HELQ: variants seen among roughly 807,000 people sequenced by gnomAD.
HELQ encodes the protein helicase POLQ-like.
HELQ carries 77 observed loss-of-function variants against 111.6 expected under a neutral mutation model. The observed-to-expected ratio is 0.69, with a 90% CI of 0.57 to 0.83. The LOEUF is 0.83. HELQ is among the 40% of genes least tolerant of loss of function. HELQ has a pLI of 0.00. For missense variants in HELQ, 1,200 were observed against 1,288.5 expected (o/e 0.93, Z 1.05); for synonymous variants, 438 against 454.7 (o/e 0.96, Z 0.47).
chr4:83,439,776 A>C, intron 8 of HELQ, 87 bp downstream of exon 8: 1 of 875,602 alleles, frequency 1.1e-6, no homozygotes, highest in Admixed American at 2.6e-5. Context: ...TTTGCAAGGC[A>C]TAATTAGTGT....
chr4:83,416,288 C>G (rs1739355425), intron 17 of HELQ, among the ~76,000 whole-genome samples: 1 of 150,878 alleles, frequency 6.6e-6, no homozygotes. Context: ...ATCTGTCATC[C>G]TAGCTCAGTG....
intron 17 of HELQ, among the ~76,000 whole-genome samples, chr4:83,412,597 G>A (rs547895719): frequency 6.6e-6 from 1 of 152,314 alleles, no homozygotes; most frequent in East Asian, 1.9e-4. Flanking sequence ...AAGCCAAGAT[G>A]GAAGGATTGC....
rs190110256 is a variant in HELQ, at chr4:83,452,067, T to G, written c.1012+1164A>C. Among the ~76,000 whole-genome samples, 207 of 152,276 alleles carry G rather than the reference T, an allele frequency of 1.4e-3. 1 individual carries two copies. Among genetic ancestry groups the G allele is most frequent in the East Asian group, 3.1e-3 (16 of 5,184 alleles). On this transcript the variant is annotated intron_variant, in intron 2 of 17. Transcript: ENST00000295488. ...CCTTCTTGGTCTAAAATGACACATA[T>G]CTGAAATATATGCAAGGACCCTGGA...
At chr4:83,414,849 T>A (rs1352661807) in intron 17 of HELQ, among the ~76,000 whole-genome samples, 1 of 152,144 alleles carries the variant, frequency 6.6e-6, no homozygotes, top group African/African-American at 2.4e-5. Context: ...TGAACCTTTT[T>A]TTTTTAGGTG....
chr4:83,442,063 C>A (rs1164504454), intron 6 of HELQ, among the ~76,000 whole-genome samples: 1 of 152,020 alleles, frequency 6.6e-6, no homozygotes, highest in African/African-American at 2.4e-5. Context: ...CCGTGTCCAG[C>A]CAAAACTTTC....
intron 9 of HELQ, among the ~76,000 whole-genome samples, chr4:83,433,008 C>T (rs1000205211): frequency 4.0e-5 from 6 of 151,802 alleles, no homozygotes; most frequent in Admixed American, 1.3e-4. Context: ...TGCAGTAAAT[C>T]GTGATTACAT....
chr4:83,418,431 G>T (rs1739478272), intron 15 of HELQ, among the ~76,000 whole-genome samples: 2 of 152,030 alleles, frequency 1.3e-5, no homozygotes, highest in Admixed American at 6.6e-5. Flanking sequence ...ATTGAAAATT[G>T]AAAAATAAGT....
chr4:83,450,742 G>A (rs1721318568), intron 2 of HELQ, among the ~76,000 whole-genome samples: 1 of 151,754 alleles, frequency 6.6e-6, no homozygotes, highest in African/African-American at 2.4e-5. Flanking sequence ...GAGACAGCAG[G>A]ACTGCTTAAG....
chr4:83,450,240 A>T (rs895139873), intron 2 of HELQ, among the ~76,000 whole-genome samples: 9 of 146,838 alleles, frequency 6.1e-5, no homozygotes, highest in African/African-American at 2.2e-4. Context: ...AAAAAAAAAA[A>T]AAAAAAAAAA....
At chr4:83,450,916 C>T (rs1048065827) in intron 2 of HELQ, among the ~76,000 whole-genome samples, 2 of 152,082 alleles carry the variant, frequency 1.3e-5, no homozygotes, top group African/African-American at 4.8e-5. Context: ...TAGTGAGCCA[C>T]GATCACAGAT....
At position 83,443,598 on chromosome 4, in the gene HELQ, A is replaced by G. The variant is rs7665103; in HGVS notation, c.1482T>C (p.Ile494=). The change falls in exon 6 of 18, where the codon ATT becomes ATC. Residue 494 remains isoleucine (I), a synonymous_variant. Coordinates refer to ENST00000295488, the MANE Select transcript of HELQ (RefSeq NM_133636.5). ...ILYTSKTTQI[I]GMSATLNNVE... Reference sequence around the variant, plus strand: ...CATTGTTTAATGTTGCACTCATACCAATAATTTGAGTCGTTTCTAAAACAC... The same window carrying G: ...CATTGTTTAATGTTGCACTCATACCGATAATTTGAGTCGTTTCTAAAACAC... 0.42 allele frequency: 636,132 copies of G among 1,524,536 alleles called. 137,415 individuals are homozygous for G. Among genetic ancestry groups the G allele is most frequent in the East Asian group, 0.64 (28,319 of 44,106 alleles). 94.4% of individuals were successfully genotyped at this position (1,524,536 alleles called of 1,614,324 possible).
At position 83,427,472 on chromosome 4, in the gene HELQ, T is replaced by C. The variant is rs551693802; in HGVS notation, c.2676+91A>G. ...GAGTTTGAGACCAGCCTGGGCAACA[T>C]GGCAAAGCCTCATCTCTAAAAAACA... On this transcript the variant is annotated intron_variant, in intron 13 of 17. Transcript: ENST00000295488. 9 of 1,091,860 alleles carry C rather than the reference T, an allele frequency of 8.2e-6. No individual in the cohort carries two copies. The Admixed American group carries it at 2.0e-4, about 24-fold the overall frequency. 67.6% of individuals were successfully genotyped at this position (1,091,860 alleles called of 1,614,324 possible). A position where few individuals can be genotyped will look rare whatever the true frequency, so the allele number is the denominator to read the frequency against.
Position 83,436,766 on chromosome 4 carries a change from A to C in HELQ, c.2048+92T>G, listed in dbSNP as rs573097697. 4.5e-5 allele frequency: 60 copies of C among 1,328,968 alleles called. No individual in the cohort carries two copies. The African/African-American group carries it at 7.2e-4, about 16-fold the overall frequency. The allele number at this position is 1,328,968 out of a possible 1,614,324, so 82.3% of individuals were successfully genotyped here. On this transcript the variant is annotated intron_variant, in intron 9 of 17. Coordinates refer to ENST00000295488, the MANE Select transcript of HELQ (RefSeq NM_133636.5). ...CTAAAAGAACATTTGATAAATTCTC[A>C]TCCACTACTGAGAAAGCATAAAACA...
Position 83,439,991 on chromosome 4 carries a change from T to A in HELQ, c.1680A>T (p.Lys560Asn). ...CTACCAAGTGATCAGGATCCATCTT[T>A]TTTAGGGTATCAGAATACTGCAAAA... Reference protein sequence around the residue: ...LLNYKYSDTLKKMDPDHLVAL... With the variant: ...LLNYKYSDTLNKMDPDHLVAL... Residue 560 changes from lysine (K) to asparagine (N), a missense_variant, in exon 8 of 18, where the codon AAA becomes AAT. Physicochemically the swap from Lys to Asn is moderately conservative, Grantham distance 94. Around this residue, in one of 3 missense-constraint regions of HELQ, gnomAD observed 585 missense variants for 665.3 expected, o/e 0.88. Coordinates refer to ENST00000295488, the MANE Select transcript of HELQ (RefSeq NM_133636.5). 1 of 1,611,280 alleles carries A rather than the reference T, an allele frequency of 6.2e-7. No homozygotes were observed. Among genetic ancestry groups the A allele is most frequent in the Non-Finnish European group, 8.5e-7 (1 of 1,178,938 alleles).
At chr4:83,429,930 G>A (rs1436372298) in intron 11 of HELQ, among the ~76,000 whole-genome samples, 184 bp from the exon 12 acceptor site, 1 of 151,840 alleles carries the variant, frequency 6.6e-6, no homozygotes, top group African/African-American at 2.4e-5. Context: ...AAAATTTAGG[G>A]GGATGATAGT....
intron 5 of HELQ, among the ~76,000 whole-genome samples, chr4:83,443,957 A>T (rs1229817493): frequency 6.6e-6 from 1 of 152,098 alleles, no homozygotes; most frequent in Non-Finnish European, 1.5e-5. Context: ...AGGTGGGAGG[A>T]TCGCTTGAGC....
At chr4:83,408,652 G>T (rs1047228152) in intron 17 of HELQ, among the ~76,000 whole-genome samples, 1 of 150,418 alleles carries the variant, frequency 6.6e-6, no homozygotes, top group Non-Finnish European at 1.5e-5. Flanking sequence ...GGGCTCAAAC[G>T]ATCCTCCTGC....
At chr4:83,410,467 T>C (rs1163687226) in intron 17 of HELQ, among the ~76,000 whole-genome samples, 1 of 152,186 alleles carries the variant, frequency 6.6e-6, no homozygotes, top group South Asian at 2.1e-4. Flanking sequence ...TGGAGTGGTA[T>C]AATTTAACAA....
At position 83,443,606 on chromosome 4, in the gene HELQ, G is replaced by C; in HGVS notation, c.1474C>G (p.Gln492Glu). 1 of 1,503,428 alleles carries C rather than the reference G, an allele frequency of 6.7e-7. No individual in the cohort carries two copies. Among genetic ancestry groups the C allele is most frequent in the Non-Finnish European group, 9.1e-7 (1 of 1,094,012 alleles). The allele number at this position is 1,503,428 out of a possible 1,614,324, so 93.1% of individuals were successfully genotyped here. Residue 492 changes from glutamine to glutamate, a missense_variant, in exon 6 of 18, where the codon CAA (glutamine) becomes GAA (glutamate). Coordinates refer to ENST00000295488, the MANE Select transcript of HELQ (RefSeq NM_133636.5). Reference protein sequence around the residue: ...AKILYTSKTTQIIGMSATLNN... With the variant: ...AKILYTSKTTEIIGMSATLNN... ...AATGTTGCACTCATACCAATAATTT[G>C]AGTCGTTTCTAAAACACAAACAAAC...
Sources: gnomAD v4.1 joint callset for allele counts (sites outside exome capture counted in the v4.1 genomes callset) on GRCh38, gnomAD v4.1.1 for gene constraint, gnomAD v4.1.1 regional missense constraint, MANE v1.5 for transcripts, NCBI Gene and HGNC (gene_info 2026-07-23, HGNC 2026-07-21) for gene names.